HLF: variants seen among roughly 807,000 people sequenced by gnomAD.
HLF encodes HLF transcription factor, PAR bZIP family member.
HLF carries 3 observed loss-of-function variants against 22.6 expected under a neutral mutation model. That is an observed-to-expected ratio of 0.13 (90% confidence interval 0.06 to 0.34). The LOEUF (loss-of-function observed/expected upper bound fraction) is 0.34, where lower values mean the gene tolerates loss of function less well. Ranked by LOEUF, HLF falls within the 10% of genes least tolerant of loss-of-function variation. The pLI, the probability that HLF is intolerant of heterozygous loss-of-function variation, is 1.00. For synonymous variants in HLF, 151 were observed against 151.8 expected, an observed-to-expected ratio of 0.99 and a Z score of 0.04; for missense variants, 299 against 389.2, an observed-to-expected ratio of 0.77 and a Z score of 1.95.
At chr17:55,270,722 G>A (rs1297839683) in intron 2 of HLF, among the ~76,000 whole-genome samples, 17 of 146,152 alleles carry the variant, frequency 1.2e-4, no homozygotes, top group Middle Eastern at 3.3e-3. Context: ...GTGCAGTGGC[G>A]CGATCTCAGC....
chr17:55,296,148 G>A (rs1189566991), intron 2 of HLF, among the ~76,000 whole-genome samples: 1 of 152,152 alleles, frequency 6.6e-6, no homozygotes, highest in East Asian at 1.9e-4. Context: ...GGTATGACAT[G>A]GTGTGAATAT....
chr17:55,270,048 C>T (rs568317942), intron 2 of HLF, among the ~76,000 whole-genome samples: 1 of 152,288 alleles, frequency 6.6e-6, no homozygotes, highest in East Asian at 1.9e-4. Context: ...AGCTTGAAAA[C>T]TCATTTGTCA....
chr17:55,292,954 G>A (rs779439248), intron 2 of HLF, among the ~76,000 whole-genome samples: 1 of 152,210 alleles, frequency 6.6e-6, no homozygotes, highest in African/African-American at 2.4e-5. Flanking sequence ...TCTCATGGAG[G>A]TAGACAGTAG....
rs369313188 is a variant in HLF at position 55,315,366 on chromosome 17, A to C, written c.591A>C (p.Lys197Asn). ...GCCAGGAAATGTTTGACCCTCGCAA[A>C]CGCAAGTTCTCTGAGGAAGAACTGA... ...IPGQEMFDPR[K>N]RKFSEEELKP... The change falls in exon 3 of 4, where the codon AAA becomes AAC. Residue 197 changes from lysine to asparagine, a missense_variant. Lys to Asn is a moderately conservative substitution (Grantham distance 94, BLOSUM62 0). Coordinates refer to ENST00000226067, the MANE Select transcript of HLF (RefSeq NM_002126.5). 6.2e-7 allele frequency: 1 copy of C among 1,614,122 alleles called. No individual in the cohort carries two copies. Among genetic ancestry groups the C allele is most frequent in the Non-Finnish European group, 8.5e-7 (1 of 1,179,996 alleles).
intron 2 of HLF, among the ~76,000 whole-genome samples, chr17:55,303,618 C>T (rs1172682839): frequency 1.3e-5 from 2 of 152,178 alleles, no homozygotes; most frequent in African/African-American, 4.8e-5. Context: ...ATCTGTCTCC[C>T]TGTGCTTGCT....
chr17:55,307,146 CCTT>C (rs1904613744), intron 2 of HLF, among the ~76,000 whole-genome samples: 1 of 132,458 alleles, frequency 7.5e-6, no homozygotes, highest in Non-Finnish European at 1.6e-5. Context: ...CTCTCAGCGG[CCTT>C]TTTTTTTTTT....
intron 3 of HLF, among the ~76,000 whole-genome samples, chr17:55,317,861 G>C (rs1905129434): frequency 6.6e-6 from 1 of 152,232 alleles, no homozygotes; most frequent in Non-Finnish European, 1.5e-5. Flanking sequence ...AGGGAGAATT[G>C]AGGTTGACAT....
At chr17:55,283,547 T>C (rs2080974330) in intron 2 of HLF, 1 of 152,244 alleles carries the variant, frequency 6.6e-6, no homozygotes, top group South Asian at 2.1e-4. Context: ...AAAAGTGTTT[T>C]CTGAGCCTCC....
At chr17:55,306,789 T>A (rs1904587275) in intron 2 of HLF, among the ~76,000 whole-genome samples, 1 of 152,114 alleles carries the variant, frequency 6.6e-6, no homozygotes, top group Non-Finnish European at 1.5e-5. Flanking sequence ...TTTCTTTCCT[T>A]CCATAATACC....
At chr17:55,307,919 T>G (rs1904657310) in intron 2 of HLF, among the ~76,000 whole-genome samples, 1 of 152,050 alleles carries the variant, frequency 6.6e-6, no homozygotes, top group African/African-American at 2.4e-5. Flanking sequence ...AATTGGCATT[T>G]ATGCTAATGT....
In HLF at chr17:55,320,623, T is replaced by C; in HGVS notation, c.673-41T>C. Reference sequence around the variant, plus strand: ...GCTGGCACTGGGCTTTGCTGAAATCTAATATCTTGTTTCTTTTTCCCTTCT... The same window carrying C: ...GCTGGCACTGGGCTTTGCTGAAATCCAATATCTTGTTTCTTTTTCCCTTCT... On this transcript the variant is annotated intron_variant, in intron 3 of 3. Coordinates refer to ENST00000226067, the MANE Select transcript of HLF (RefSeq NM_002126.5). This position sits in a 1 kb window ranked among gnomAD's most constrained non-coding sequence, Gnocchi z 4.2. The C allele has an allele frequency of 6.3e-7, 1 of 1,592,374 alleles. No individual in the cohort carries two copies. The highest frequency in any genetic ancestry group is 8.6e-7 in the Non-Finnish European group (1 of 1,162,822).
In HLF at chr17:55,280,499, A is replaced by G. The variant is rs542446905; in HGVS notation, c.451+12413A>G. On this transcript the variant is annotated intron_variant, in intron 2 of 3. Transcript: ENST00000226067. ...ATATGTCTTCTGGTGCTATGCCTGG[A>G]AGATCTTGAGTGGGTAAGGGTGAAA... Among the ~76,000 whole-genome samples the G allele has an allele frequency of 7.2e-5, 11 of 152,274 alleles. No homozygotes were observed. In the South Asian group the frequency reaches 2.3e-3, roughly 32 times the overall value.
chr17:55,287,852 A>G (rs115107178), intron 2 of HLF, among the ~76,000 whole-genome samples: 381 of 152,336 alleles, frequency 2.5e-3, no homozygotes, highest in African/African-American at 8.9e-3. Flanking sequence ...TCCAGCACCT[A>G]GGCAGCTGCT....
intron 2 of HLF, chr17:55,272,716 G>A (rs887694760): frequency 1.3e-5 from 2 of 152,228 alleles, no homozygotes; most frequent in Non-Finnish European, 2.9e-5. Context: ...AATGATGGAG[G>A]GAAGTTCTGT....
chr17:55,321,569 CACAG>C lies in HLF; in HGVS notation c.*692_*695del, dbSNP rs1905264393. On this transcript the variant is annotated 3_prime_UTR_variant, in exon 4 of 4. Transcript: ENST00000226067. ...ATAAGTAAGAGTACTATTAATAGAA[CACAG>C]AGTGTGTTTTTGCACTGTCTGTACC... 3 of 228,396 alleles carry C rather than the reference CACAG, an allele frequency of 1.3e-5. No individual in the cohort carries two copies. The highest frequency in any genetic ancestry group is 6.7e-5 in the African/African-American group (3 of 45,078). The allele number at this position is 228,396 out of a possible 1,614,324, so 14.1% of individuals were successfully genotyped here.
In HLF at chr17:55,320,365, G is replaced by A. The variant is rs78454072; in HGVS notation, c.673-299G>A. 0.023 allele frequency among the ~76,000 whole-genome samples: 3,534 copies of A among 152,294 alleles called. 130 individuals are homozygous for A. Among genetic ancestry groups the A allele is most frequent in the African/African-American group, 0.081 (3,360 of 41,540 alleles). On this transcript the variant is annotated intron_variant, in intron 3 of 3. Transcript: ENST00000226067. The surrounding 1 kb of genome is among the most constrained non-coding windows in gnomAD (Gnocchi z 4.2). ...AAGAAAGTTGAAATGTAATTTAAGG[G>A]TGAGGTGAGCCACCTGCTTTCATCC...
At chr17:55,300,854 G>T (rs1003354581) in intron 2 of HLF, among the ~76,000 whole-genome samples, 2 of 152,108 alleles carry the variant, frequency 1.3e-5, no homozygotes, top group African/African-American at 4.8e-5. Context: ...TAATTGCATC[G>T]ATAGTTCCCC....
At chr17:55,267,676 G>A in intron 1 of HLF, 75 bp from the exon 2 acceptor site, 1 of 1,064,240 alleles carries the variant, frequency 9.4e-7, no homozygotes, top group Non-Finnish European at 1.4e-6. Flanking sequence ...AACAGGCCAG[G>A]AAAAGTGATA....
chr17:55,270,656 CTTTTTTTTTT>C (rs10712714), intron 2 of HLF, among the ~76,000 whole-genome samples: 1 of 84,748 alleles, frequency 1.2e-5, no homozygotes, highest in Non-Finnish European at 2.4e-5. Context: ...TTGGGTAAAT[CTTTTTTTTTT>C]TTTTTTTTTT....
Sources: gnomAD v4.1 joint callset for allele counts (sites outside exome capture counted in the v4.1 genomes callset) on GRCh38, gnomAD v4.1.1 for gene constraint, Gnocchi (gnomAD v3.1) non-coding constraint, MANE v1.5 for transcripts, NCBI Gene and HGNC (gene_info 2026-07-23, HGNC 2026-07-21) for gene names.